ALDH2: variants seen among roughly 807,000 people sequenced by gnomAD.
ALDH2 encodes the protein aldehyde dehydrogenase, mitochondrial.
Under a neutral mutation model 59.6 loss-of-function variants are expected in ALDH2, and 44 were observed. That is an observed-to-expected ratio of 0.74 (90% CI 0.58 to 0.95). The LOEUF (loss-of-function observed/expected upper bound fraction) is 0.95. Among genes scored for constraint, ALDH2 ranks in the 40% least tolerant of loss-of-function variants. The pLI, the probability that ALDH2 is intolerant of heterozygous loss-of-function variation, is 0.00. For synonymous variants in ALDH2, 291 were observed against 284.0 expected (o/e 1.02, Z -0.25); for missense variants, 570 against 696.3 (o/e 0.82, Z 2.04).
chr12:111,767,720 A>G (rs1198090348), intron 1 of ALDH2, among the ~76,000 whole-genome samples: 1 of 152,212 alleles, frequency 6.6e-6, no homozygotes, highest in Non-Finnish European at 1.5e-5. Context: ...GCTTTCCAGG[A>G]TAAAACTGAT....
intron 10 of ALDH2, among the ~76,000 whole-genome samples, chr12:111,799,110 G>C (rs555628998): frequency 6.6e-6 from 1 of 152,116 alleles, no homozygotes; most frequent in African/African-American, 2.4e-5. Context: ...TGATCTGCCT[G>C]CCTCGGCCTC....
Position 111,791,425 on chromosome 12 carries a change from G to A in ALDH2, c.795+6G>A, listed in dbSNP as rs2068358672. The A allele has an allele frequency of 6.2e-7, 1 of 1,606,904 alleles. No individual in the cohort carries two copies. Among genetic ancestry groups the A allele is most frequent in the South Asian group, 1.1e-5 (1 of 90,256 alleles). On this transcript the variant is annotated splice_donor_region_variant and intron_variant, in intron 7 of 12. Transcript: ENST00000261733. ...CATTCACAGGCTCCACTGAGGTAAG[G>A]TGACCCTGGCCTCAAGCTTGCAGCC...
chr12:111,797,723 A>G (rs1246635475), intron 9 of ALDH2, among the ~76,000 whole-genome samples: 1 of 152,216 alleles, frequency 6.6e-6, no homozygotes, highest in Admixed American at 6.5e-5. Flanking sequence ...CTGAGTATAT[A>G]ATTTTTGAGC....
rs932560769 is a variant in ALDH2, at chr12:111,811,927, G to C, written c.*2352G>C. 1.1e-5 allele frequency: 2 copies of C among 183,316 alleles called. No individual in the cohort carries two copies. Among genetic ancestry groups the C allele is most frequent in the Admixed American group, 1.3e-4 (2 of 15,822 alleles). The allele number at this position is 183,316 out of a possible 1,614,324, so 11.4% of individuals were successfully genotyped here. A position where few individuals can be genotyped will look rare whatever the true frequency, so the allele number is the denominator to read the frequency against. Reference sequence around the variant, plus strand: ...CACCAAGAGGCGGAGACCGGTAGAGGCCCCGAATGTCTGGCTGCACTGTTA... The same window carrying C: ...CACCAAGAGGCGGAGACCGGTAGAGCCCCCGAATGTCTGGCTGCACTGTTA... On this transcript the variant is annotated 3_prime_UTR_variant, in exon 13 of 13. Coordinates refer to ENST00000261733, the MANE Select transcript of ALDH2 (RefSeq NM_000690.4).
At chr12:111,774,232 C>G (rs1194018108) in intron 1 of ALDH2, among the ~76,000 whole-genome samples, 1 of 152,166 alleles carries the variant, frequency 6.6e-6, no homozygotes, top group Non-Finnish European at 1.5e-5. Context: ...GTGTCCCGAG[C>G]AAGCCTGGGG....
chr12:111,783,392 G>A, intron 3 of ALDH2, 94 bp downstream of exon 3: 1 of 1,456,906 alleles, frequency 6.9e-7, no homozygotes, highest in Non-Finnish European at 9.2e-7. Flanking sequence ...CCTGTGAACA[G>A]CCAGGGAACA....
intron 9 of ALDH2, among the ~76,000 whole-genome samples, chr12:111,797,726 T>C (rs1222790657): frequency 6.6e-6 from 1 of 152,208 alleles, no homozygotes; most frequent in African/African-American, 2.4e-5. Context: ...AGTATATAAT[T>C]TTTGAGCAAT....
At chr12:111,774,409 C>A (rs924458562) in intron 1 of ALDH2, among the ~76,000 whole-genome samples, 2 of 152,166 alleles carry the variant, frequency 1.3e-5, no homozygotes, top group African/African-American at 4.8e-5. Flanking sequence ...CACCTAACCG[C>A]AGATTAGCAA....
At chr12:111,806,078 T>C (rs1390507796) in intron 12 of ALDH2, among the ~76,000 whole-genome samples, 1 of 140,038 alleles carries the variant, frequency 7.1e-6, no homozygotes, top group Non-Finnish European at 1.5e-5. Flanking sequence ...CTTTTGGAGG[T>C]TGAGGTGGGC....
chr12:111,789,698 A>G, intron 4 of ALDH2, 125 bp from the exon 5 acceptor site: 2 of 803,334 alleles, frequency 2.5e-6, no homozygotes. Context: ...TCTCTGAATA[A>G]GCCAAAAGCA....
At chr12:111,791,255 C>T (rs752593972) in intron 6 of ALDH2, 51 bp from the exon 7 acceptor site, 2 of 1,383,882 alleles carry the variant, frequency 1.4e-6, no homozygotes, top group Non-Finnish European at 2.0e-6. Flanking sequence ...CTGGTTGAGC[C>T]CTTCAGAATA....
chr12:111,767,061 G>A lies in ALDH2; in HGVS notation c.79G>A (p.Ala27Thr), dbSNP rs1356795930. Reference sequence around the variant, plus strand: ...AGCCGCCGCCACCCAGGCCGTGCCTGCCCCCAACCAGCAGCCCGAGGTCTT... The same window carrying A: ...AGCCGCCGCCACCCAGGCCGTGCCTACCCCCAACCAGCAGCCCGAGGTCTT... ...LSAAATQAVPAPNQQPEVFCN... is the reference protein window; with the variant it reads ...LSAAATQAVPTPNQQPEVFCN... Residue 27 changes from alanine to threonine, a missense_variant, in exon 1 of 13, where the codon GCC (alanine) becomes ACC (threonine). Physicochemically the swap from Ala to Thr is moderately conservative, Grantham distance 58 (BLOSUM62 0). Transcript: ENST00000261733. The A allele has an allele frequency of 6.5e-7, 1 of 1,528,796 alleles. No homozygotes were observed. The highest frequency in any genetic ancestry group is 1.4e-5 in the African/African-American group (1 of 71,014). The allele number at this position is 1,528,796 out of a possible 1,614,324, so 94.7% of individuals were successfully genotyped here. A position where few individuals can be genotyped will look rare whatever the true frequency, so the allele number is the denominator to read the frequency against.
intron 1 of ALDH2, among the ~76,000 whole-genome samples, chr12:111,768,776 C>T (rs547384727): frequency 1.1e-4 from 17 of 152,176 alleles, no homozygotes; most frequent in Non-Finnish European, 1.8e-4. Context: ...CCTAGGATTT[C>T]GAGACCAGCC....
At chr12:111,802,511 G>A (rs2136025970) in intron 11 of ALDH2, among the ~76,000 whole-genome samples, 1 of 151,838 alleles carries the variant, frequency 6.6e-6, no homozygotes, top group East Asian at 1.9e-4. Flanking sequence ...AACTTTAGAG[G>A]CAGAAGTTGC....
Position 111,766,957 on chromosome 12 carries a change from C to G in ALDH2, c.-26C>G, listed in dbSNP as rs762299805. 18 of 1,513,086 alleles carry G rather than the reference C, an allele frequency of 1.2e-5. 1 individual carries two copies. The highest frequency in any genetic ancestry group is 1.5e-5 in the Non-Finnish European group (17 of 1,135,920). 93.7% of individuals were successfully genotyped at this position (1,513,086 alleles called of 1,614,324 possible). On this transcript the variant is annotated 5_prime_UTR_variant, in exon 1 of 13. Transcript: ENST00000261733. ...TGAGACCCTAGCTCTGCTCTCGGTC[C>G]GCTCGCTGTCCGCTAGCCCGCTGCG...
At chr12:111,775,706 G>A (rs1002988848) in intron 1 of ALDH2, 5 of 455,392 alleles carry the variant, frequency 1.1e-5, no homozygotes, top group East Asian at 7.0e-5. Context: ...GCCCAAGAGC[G>A]TTTACGTGTG....
intron 3 of ALDH2, among the ~76,000 whole-genome samples, chr12:111,784,340 A>G (rs2068294856): frequency 6.6e-6 from 1 of 151,996 alleles, no homozygotes. Flanking sequence ...AGCCTGTTCT[A>G]GTTCCATCAT....
At chr12:111,775,798 A>T in intron 1 of ALDH2, 1 of 383,218 alleles carries the variant, frequency 2.6e-6, no homozygotes, top group Non-Finnish European at 5.3e-6. Flanking sequence ...TTATTCAGGA[A>T]AACTGCTCCT....
At chr12:111,799,763 A>G (rs1566193461) in intron 10 of ALDH2, 143 bp from the exon 11 acceptor site, 1 of 1,001,796 alleles carries the variant, frequency 1.0e-6, no homozygotes, top group Non-Finnish European at 1.4e-6. Flanking sequence ...GCTGAGCTTG[A>G]TGGCTGTTGT....
Sources: allele counts gnomAD v4.1 joint callset (sites outside exome capture counted in the v4.1 genomes callset), GRCh38; gene constraint gnomAD v4.1.1; transcripts MANE v1.5; gene names NCBI Gene and HGNC (gene_info 2026-07-23, HGNC 2026-07-21).